Variants in INF2 observed in about 807,000 individuals in gnomAD.
The protein encoded by INF2 is inverted formin 2.
In INF2, 43 loss-of-function variants were observed where a neutral mutation model predicts 123.5. The ratio of observed to expected loss-of-function variants is 0.35; its 90% CI spans 0.27 to 0.45. INF2 has a LOEUF of 0.45. INF2 is among the 20% of genes least tolerant of loss of function. The pLI, the probability that INF2 is intolerant of heterozygous loss-of-function variation, is 1.00. For synonymous variants in INF2, 851 were observed against 745.0 expected, an observed-to-expected ratio of 1.14 and a Z score of -2.32; for missense variants, 1,453 against 1,682.7, an observed-to-expected ratio of 0.86 and a Z score of 2.39.
intron 1 of INF2, among the ~76,000 whole-genome samples, chr14:104,696,593 G>C (rs1223065683): frequency 6.6e-6 from 1 of 152,218 alleles, no homozygotes; most frequent in East Asian, 1.9e-4. Context: ...GGGGAATGGG[G>C]GTCATGGTAG....
In INF2 at chr14:104,707,659, A is replaced by G; in HGVS notation, c.1392A>G (p.Pro464=). 3 of 442,028 alleles carry G rather than the reference A, an allele frequency of 6.8e-6. No homozygotes were observed. The highest frequency in any genetic ancestry group is 1.1e-5 in the Non-Finnish European group (3 of 284,896). The allele number at this position is 442,028 out of a possible 1,614,324, so 27.4% of individuals were successfully genotyped here. ...CAGCACCCCCGCCCCCACCCCTGCC[A>G]GGCCTGGGGGCCATGGCCCCCCCAG... The part of the protein sequence containing the change: ...LPTAPPPPPL[P]GLGAMAPPAP... The change falls in exon 8 of 23, where the codon CCA becomes CCG. Residue 464 remains proline, a synonymous_variant. Coordinates refer to ENST00000392634, the MANE Select transcript of INF2 (RefSeq NM_022489.4).
chr14:104,689,600 C>A, upstream of INF2: 1 of 771,752 alleles, frequency 1.3e-6, no homozygotes, highest in Non-Finnish European at 1.6e-6. Flanking sequence ...TCCCGCCCGC[C>A]CCGCCCGCCC....
Position 104,689,755 on chromosome 14 carries a change from CG to C in INF2, c.-10+20del. 1 of 984,910 alleles carries C rather than the reference CG, an allele frequency of 1.0e-6. No homozygotes were observed. The highest frequency in any genetic ancestry group is 1.2e-6 in the Non-Finnish European group (1 of 829,630). The allele number at this position is 984,910 out of a possible 1,614,324, so 61.0% of individuals were successfully genotyped here. Reference sequence around the variant, plus strand: ...GCCTCACCGGGTAAGTCCTTGGCCTCGGGGTCCGCTTGGAGCTTCAGGGGAA... The same window carrying C: ...GCCTCACCGGGTAAGTCCTTGGCCTCGGGTCCGCTTGGAGCTTCAGGGGAA... On this transcript the variant is annotated intron_variant, in intron 1 of 22. Transcript: ENST00000392634.
chr14:104,698,569 C>G (rs1160486214), intron 1 of INF2, among the ~76,000 whole-genome samples: 1 of 152,228 alleles, frequency 6.6e-6, no homozygotes, highest in Non-Finnish European at 1.5e-5. Context: ...TGAGATGAGA[C>G]AAAAATCACA....
At chr14:104,681,930 G>A (rs1242518431) in intron 1 of INF2, among the ~76,000 whole-genome samples, 1 of 152,230 alleles carries the variant, frequency 6.6e-6, no homozygotes. Flanking sequence ...CTGAGGCGCT[G>A]TGGGAAGGAG....
chr14:104,702,355 C>T (rs1361242019), intron 2 of INF2, among the ~76,000 whole-genome samples: 3 of 152,242 alleles, frequency 2.0e-5, no homozygotes, highest in African/African-American at 7.2e-5. Context: ...TCTGCCTTTG[C>T]GTCCTCCAAG....
At chr14:104,713,128 C>G (rs901980335) in intron 18 of INF2, 79 bp from the exon 19 acceptor site, 63 of 1,603,494 alleles carry the variant, frequency 3.9e-5, no homozygotes, top group Non-Finnish European at 5.4e-5. Flanking sequence ...TGCTGCGGCT[C>G]AGGGAGGGGG....
intron 4 of INF2, 101 bp from the exon 5 acceptor site, chr14:104,703,815 G>A: frequency 1.3e-6 from 2 of 1,592,224 alleles, no homozygotes; most frequent in Non-Finnish European, 1.7e-6. Flanking sequence ...GGTGTCCCAT[G>A]AGTGCAGCAG....
chr14:104,682,208 A>G (rs1057194955), intron 1 of INF2, among the ~76,000 whole-genome samples: 4 of 152,190 alleles, frequency 2.6e-5, no homozygotes, highest in Non-Finnish European at 5.9e-5. Flanking sequence ...CCGGGCGCTC[A>G]GGAAGATGCA....
rs764207024 is a variant in INF2 at position 104,701,344 on chromosome 14, C to A, written c.-9-13C>A. On this transcript the variant is annotated splice_polypyrimidine_tract_variant and intron_variant, in intron 1 of 22. Coordinates refer to ENST00000392634, the MANE Select transcript of INF2 (RefSeq NM_022489.4). ...CCCCTCCCCGCTGACGGCTCCCTGC[C>A]CTCTGCCTGCAGCTCGGCAAGATGT... The A allele has an allele frequency of 1.3e-6, 2 of 1,563,392 alleles. No individual in the cohort carries two copies. Among genetic ancestry groups the A allele is most frequent in the East Asian group, 2.4e-5 (1 of 42,022 alleles).
chr14:104,686,241 G>T (rs1888660283), upstream of INF2, among the ~76,000 whole-genome samples: 1 of 151,600 alleles, frequency 6.6e-6, no homozygotes, highest in South Asian at 2.1e-4. Flanking sequence ...GTGGATAGGT[G>T]GGTGGGTGGA....
upstream of INF2, among the ~76,000 whole-genome samples, chr14:104,687,744 C>T (rs1888704585): frequency 6.6e-6 from 1 of 152,138 alleles, no homozygotes; most frequent in Non-Finnish European, 1.5e-5. This position sits in a 1 kb window ranked among gnomAD's most constrained non-coding sequence, Gnocchi z 5.6. Context: ...GAAAGGTGGA[C>T]CCCTCGCCCA....
intron 4 of INF2, 88 bp downstream of exon 4, chr14:104,703,542 C>A: frequency 6.4e-7 from 1 of 1,554,710 alleles, no homozygotes; most frequent in Admixed American, 1.7e-5. Flanking sequence ...GAGGTGGGAG[C>A]GCCACAAAAG....
intron 2 of INF2, 114 bp from the exon 3 acceptor site, chr14:104,702,991 C>T (rs972577581): frequency 1.9e-5 from 16 of 831,484 alleles, no homozygotes; most frequent in African/African-American, 8.4e-5. Flanking sequence ...GACAAGTGCC[C>T]GGCACCCCCT....
At chr14:104,708,941 C>T (rs950942282) in intron 10 of INF2, among the ~76,000 whole-genome samples, 1 of 152,192 alleles carries the variant, frequency 6.6e-6, no homozygotes, top group Non-Finnish European at 1.5e-5. Context: ...GACCTCCCCC[C>T]ACAAGGCCAC....
At chr14:104,711,222 T>C (rs1298235937) in intron 15 of INF2, 36 bp downstream of exon 15, 6 of 1,505,082 alleles carry the variant, frequency 4.0e-6, no homozygotes, top group African/African-American at 1.4e-5. Flanking sequence ...TGGGAGGGCT[T>C]CAAGTCCCCC....
chr14:104,707,791 T>A lies in INF2; in HGVS notation c.1524T>A (p.Pro508=). The A allele has an allele frequency of 1.3e-5, 9 of 706,296 alleles. No individual in the cohort carries two copies. The highest frequency in any genetic ancestry group is 2.7e-5 in the African/African-American group (1 of 37,406). The allele number at this position is 706,296 out of a possible 1,614,324, so 43.8% of individuals were successfully genotyped here. ...GCPPPPPPLL[P]GMGWGPPPPP... ...CGCCCCCACCCCCACCCCTGCTGCC[T>A]GGTATGGGCTGGGGCCCTCCTCCAC... The change falls in exon 8 of 23, where the codon CCT becomes CCA. Residue 508 remains proline, a synonymous_variant. Transcript: ENST00000392634.
rs115735784 is a variant in INF2 at position 104,702,921 on chromosome 14, G to A, written c.392-184G>A. Among the ~76,000 whole-genome samples, 2,330 of 152,320 alleles carry A rather than the reference G, an allele frequency of 0.015. 47 individuals carry two copies. Among genetic ancestry groups the A allele is most frequent in the African/African-American group, 0.053 (2,215 of 41,568 alleles). The stretch of plus-strand genomic sequence containing the variant: ...GTCTGGCCCTGTGGTCCAGGAGCAG[G>A]GCCAGGACACCGAGGAGTGGGGCAC... On this transcript the variant is annotated intron_variant, in intron 2 of 22. Coordinates refer to ENST00000392634, the MANE Select transcript of INF2 (RefSeq NM_022489.4).
intron 1 of INF2, chr14:104,701,013 C>A: frequency 2.9e-6 from 1 of 344,442 alleles, no homozygotes; most frequent in Non-Finnish European, 4.1e-6. Context: ...GAGTCCTCCC[C>A]AAGCTCATCC....
Sources: gnomAD v4.1 joint callset for allele counts (sites outside exome capture counted in the v4.1 genomes callset) on GRCh38, gnomAD v4.1.1 for gene constraint, Gnocchi (gnomAD v3.1) non-coding constraint, MANE v1.5 for transcripts, NCBI Gene and HGNC (gene_info 2026-07-23, HGNC 2026-07-21) for gene names.